GPHN: variants seen among roughly 807,000 people sequenced by gnomAD.
The protein encoded by GPHN is gephyrin.
Under a neutral mutation model 95.5 loss-of-function variants are expected in GPHN, and 17 were observed. The ratio of observed to expected loss-of-function variants is 0.18; its 90% CI spans 0.12 to 0.27. The LOEUF is 0.27. Ranked by LOEUF, GPHN falls within the 10% of genes least tolerant of loss-of-function variation. The pLI, the probability that GPHN is intolerant of heterozygous loss-of-function variation, is 1.00. For missense variants in GPHN, 660 were observed against 978.1 expected, an observed-to-expected ratio of 0.67 and a Z score of 4.34; for synonymous variants, 320 against 322.5, an observed-to-expected ratio of 0.99 and a Z score of 0.08.
At chr14:67,701,425 CTTTTTTTTT>C in the GPHN span, among the ~76,000 whole-genome samples, 2 of 71,148 alleles carry the variant, frequency 2.8e-5, no homozygotes, top group South Asian at 1.1e-3. Context: ...ATTATAATTT[CTTTTTTTTT>C]TTTTTTTTTT....
the GPHN span, chr14:67,221,606 A>C: frequency 2.1e-6 from 1 of 473,598 alleles, no homozygotes. Flanking sequence ...AAATTTAGGT[A>C]ATTTTATTCT....
chr14:67,160,480 T>C (rs1293723176), intron 19 of GPHN, among the ~76,000 whole-genome samples: 1 of 152,198 alleles, frequency 6.6e-6, no homozygotes, highest in Non-Finnish European at 1.5e-5. Flanking sequence ...GAAGGGCTGA[T>C]GGAGGTCCTG....
chr14:66,673,815 G>A (rs1413881268), intron 1 of GPHN, among the ~76,000 whole-genome samples: 1 of 151,976 alleles, frequency 6.6e-6, no homozygotes, highest in Non-Finnish European at 1.5e-5. Flanking sequence ...TTTACTGCCC[G>A]AGAAAGTCTT....
the GPHN span, among the ~76,000 whole-genome samples, chr14:67,706,580 G>A: frequency 2.0e-5 from 3 of 152,166 alleles, no homozygotes; most frequent in Non-Finnish European, 2.9e-5. Context: ...ACAAACAGGG[G>A]CATTCTTTTG....
chr14:67,114,919 G>A (rs1464348917), intron 16 of GPHN, among the ~76,000 whole-genome samples: 1 of 152,122 alleles, frequency 6.6e-6, no homozygotes, highest in Non-Finnish European at 1.5e-5. Context: ...AATAGAGATG[G>A]TATTATATCA....
chr14:67,214,045 A>T, the GPHN span, among the ~76,000 whole-genome samples: 1 of 151,992 alleles, frequency 6.6e-6, no homozygotes, highest in Non-Finnish European at 1.5e-5. Flanking sequence ...GTTTGAGTTC[A>T]TTGTAGATTC....
chr14:67,275,826 A>T, the GPHN span, among the ~76,000 whole-genome samples: 1 of 152,064 alleles, frequency 6.6e-6, no homozygotes, highest in Admixed American at 6.6e-5. Context: ...CAGGGATTCG[A>T]CTTCTTCCTG....
chr14:66,931,895 T>C (rs534870912), intron 8 of GPHN, among the ~76,000 whole-genome samples: 1 of 152,360 alleles, frequency 6.6e-6, no homozygotes, highest in South Asian at 2.1e-4. Flanking sequence ...AGCAAAGCCA[T>C]GCTTTTGTGG....
intron 1 of GPHN, among the ~76,000 whole-genome samples, chr14:66,631,359 C>T (rs1156364476): frequency 6.6e-6 from 1 of 152,102 alleles, no homozygotes; most frequent in Non-Finnish European, 1.5e-5. Flanking sequence ...CACAGTCGTC[C>T]TTTTTAACAG....
chr14:67,569,997 C>T, the GPHN span: 3 of 1,599,590 alleles, frequency 1.9e-6, no homozygotes, highest in Non-Finnish European at 2.6e-6. Flanking sequence ...TGCCTGTCTA[C>T]ACAGCACTGA....
chr14:67,223,598 C>G, the GPHN span: 1 of 450,950 alleles, frequency 2.2e-6, no homozygotes, highest in Non-Finnish European at 2.9e-6. Flanking sequence ...AAATTCCACT[C>G]TGGGCTTGTT....
chr14:67,292,626 T>C, the GPHN span: 4 of 1,613,784 alleles, frequency 2.5e-6, no homozygotes, highest in Non-Finnish European at 2.5e-6. Context: ...ATTTCCAGAA[T>C]GCATTTAAGA....
At chr14:67,640,648 C>T in the GPHN span, among the ~76,000 whole-genome samples, 4 of 152,160 alleles carry the variant, frequency 2.6e-5, no homozygotes, top group African/African-American at 9.7e-5. Context: ...CTTGTTACTG[C>T]CCCTTTCCCA....
At chr14:66,887,316 A>ATGG (rs1210832134) in intron 5 of GPHN, among the ~76,000 whole-genome samples, 1 of 152,206 alleles carries the variant, frequency 6.6e-6, no homozygotes, top group Non-Finnish European at 1.5e-5. Flanking sequence ...CTGGCCAGGC[A>ATGG]TGGTGGCTCA....
At chr14:67,054,373 C>G (rs2075449917) in intron 10 of GPHN, among the ~76,000 whole-genome samples, 1 of 152,088 alleles carries the variant, frequency 6.6e-6, no homozygotes, top group Non-Finnish European at 1.5e-5. Context: ...AGAAAAAATA[C>G]CTAGGAATAC....
At chr14:67,135,004 G>A (rs1352355001) in intron 17 of GPHN, among the ~76,000 whole-genome samples, 1 of 108,198 alleles carries the variant, frequency 9.2e-6, no homozygotes, top group Non-Finnish European at 1.7e-5. Context: ...CTGTCACCCA[G>A]GCTGGAGTGC....
chr14:67,715,472 G>A, the GPHN span, among the ~76,000 whole-genome samples: 46 of 152,290 alleles, frequency 3.0e-4, 1 homozygote, highest in African/African-American at 1.1e-3. Context: ...CCCTTGAGTT[G>A]GCAGAAGCTT....
At chr14:67,709,291 G>A in the GPHN span, among the ~76,000 whole-genome samples, 1 of 152,170 alleles carries the variant, frequency 6.6e-6, no homozygotes, top group Non-Finnish European at 1.5e-5. Flanking sequence ...TTCATTCTTT[G>A]AGAGAGGAGA....
At chr14:66,678,433 G>T (rs2066739731) in intron 1 of GPHN, among the ~76,000 whole-genome samples, 1 of 147,040 alleles carries the variant, frequency 6.8e-6, no homozygotes, top group South Asian at 2.1e-4. Context: ...TTTCTGTTTA[G>T]TTGTTTTTTA....
Sources: gnomAD v4.1 joint callset for allele counts (sites outside exome capture counted in the v4.1 genomes callset) on GRCh38, gnomAD v4.1.1 for gene constraint, MANE v1.5 for transcripts, NCBI Gene and HGNC (gene_info 2026-07-23, HGNC 2026-07-21) for gene names.